The following PTPRT variants were observed in gnomAD, a reference collection of about 807,000 sequenced individuals.
PTPRT encodes the protein protein tyrosine phosphatase receptor type T, also known as receptor-type tyrosine-protein phosphatase T.
Under a neutral mutation model 176.8 loss-of-function variants are expected in PTPRT, and 56 were observed. The observed-to-expected ratio is 0.32, with a 90% CI of 0.26 to 0.40. The LOEUF is 0.40. Among genes scored for constraint, PTPRT ranks in the 10% least tolerant of loss-of-function variants. The pLI, the probability that PTPRT is intolerant of heterozygous loss-of-function variation, is 1.00. For synonymous variants in PTPRT, 783 were observed against 739.0 expected (o/e 1.06, Z -0.96); for missense variants, 1,540 against 1,908.2 (o/e 0.81, Z 3.60).
At chr20:42,519,470 A>G (rs887616635) in intron 7 of PTPRT, among the ~76,000 whole-genome samples, 1 of 152,170 alleles carries the variant, frequency 6.6e-6, no homozygotes, top group Non-Finnish European at 1.5e-5. Context: ...CAAAATATAT[A>G]GTAGCTTTAT....
At chr20:42,999,573 T>C (rs960142452) in intron 1 of PTPRT, among the ~76,000 whole-genome samples, 2 of 151,204 alleles carry the variant, frequency 1.3e-5, no homozygotes, top group Non-Finnish European at 2.9e-5. Context: ...CTGGGAAACA[T>C]GGTGAGACCC....
chr20:43,034,419 G>A (rs1263645418), intron 1 of PTPRT, among the ~76,000 whole-genome samples: 1 of 151,964 alleles, frequency 6.6e-6, no homozygotes, highest in African/African-American at 2.4e-5. Flanking sequence ...GGGGAACACG[G>A]GAATGCCTGG....
At chr20:43,129,371 A>G (rs1600732805) in intron 1 of PTPRT, among the ~76,000 whole-genome samples, 1 of 152,284 alleles carries the variant, frequency 6.6e-6, no homozygotes, top group Admixed American at 6.5e-5. Context: ...CCCCACATTT[A>G]GCTACCAGGG....
intron 15 of PTPRT, among the ~76,000 whole-genome samples, chr20:42,201,067 C>A (rs1991428006): frequency 6.6e-6 from 1 of 152,206 alleles, no homozygotes. Flanking sequence ...GTAATCCCAG[C>A]ACGCTGGGAG....
chr20:42,548,764 A>C (rs1364937808), intron 7 of PTPRT, among the ~76,000 whole-genome samples: 1 of 152,214 alleles, frequency 6.6e-6, no homozygotes, highest in Non-Finnish European at 1.5e-5. Flanking sequence ...AAAATTTAAT[A>C]GAAAACACAG....
chr20:43,154,866 C>A (rs1167020923), intron 1 of PTPRT, among the ~76,000 whole-genome samples: 3 of 151,990 alleles, frequency 2.0e-5, no homozygotes, highest in Non-Finnish European at 4.4e-5. Flanking sequence ...AAGGAAATAA[C>A]CTGATTTTAA....
chr20:43,130,726 G>A (rs921941160), intron 1 of PTPRT, among the ~76,000 whole-genome samples: 1 of 151,414 alleles, frequency 6.6e-6, no homozygotes, highest in East Asian at 1.9e-4. Context: ...AGAGGCCAAG[G>A]GCTCTGAGAG....
At chr20:43,144,645 A>G (rs1279605285) in intron 1 of PTPRT, among the ~76,000 whole-genome samples, 1 of 152,142 alleles carries the variant, frequency 6.6e-6, no homozygotes, top group Non-Finnish European at 1.5e-5. Context: ...AAGGAGGTTA[A>G]CGGTTGCCTG....
intron 7 of PTPRT, among the ~76,000 whole-genome samples, chr20:42,625,280 C>A (rs993507459): frequency 1.3e-5 from 2 of 151,654 alleles, no homozygotes; most frequent in African/African-American, 4.9e-5. Context: ...TATGCATAAA[C>A]CAGAGATTTA....
chr20:42,048,890 C>T, the PTPRT span, among the ~76,000 whole-genome samples: 6 of 152,256 alleles, frequency 3.9e-5, no homozygotes, highest in East Asian at 3.9e-4. Context: ...GGCGCAATCT[C>T]GGCTCACTGC....
intron 1 of PTPRT, among the ~76,000 whole-genome samples, chr20:42,933,690 C>T (rs1357223098): frequency 4.6e-5 from 7 of 152,214 alleles, no homozygotes; most frequent in Non-Finnish European, 1.0e-4. Flanking sequence ...GCTCATGCCA[C>T]CAACCGGATG....
chr20:42,311,704 C>T (rs553839110), intron 12 of PTPRT, among the ~76,000 whole-genome samples: 2 of 152,194 alleles, frequency 1.3e-5, no homozygotes, highest in East Asian at 3.9e-4. Context: ...CCCCGTCACC[C>T]CATATCAAAT....
chr20:43,064,328 C>T (rs1414308186), intron 1 of PTPRT, among the ~76,000 whole-genome samples: 1 of 152,120 alleles, frequency 6.6e-6, no homozygotes, highest in Admixed American at 6.5e-5. Context: ...ATCTTTAGTC[C>T]TGAATGACTG....
At chr20:42,330,468 T>A (rs2057951195) in intron 11 of PTPRT, among the ~76,000 whole-genome samples, 1 of 150,024 alleles carries the variant, frequency 6.7e-6, no homozygotes, top group Non-Finnish European at 1.5e-5. Flanking sequence ...AGAATGAGAC[T>A]CCATCTCAAA....
At position 42,521,854 on chromosome 20, in the gene PTPRT, T is replaced by G. The variant is rs183827532; in HGVS notation, c.1154-49292A>C. Among the ~76,000 whole-genome samples the G allele has an allele frequency of 2.8e-3, 432 of 152,250 alleles. 1 individual carries two copies. The highest frequency in any genetic ancestry group is 0.01 in the African/African-American group (419 of 41,540). On this transcript the variant is annotated intron_variant, in intron 7 of 30. Transcript: ENST00000373187. ...AAGACTGATAACATTCTGGTTTTCT[T>G]TCCTTTTTGTATGACTTAGTCGTTT... is the stretch of plus-strand genomic sequence containing the variant.
intron 27 of PTPRT, among the ~76,000 whole-genome samples, chr20:42,086,743 A>ATATATATATATATATATATATATATAT (rs1436136131): frequency 2.6e-5 from 1 of 38,302 alleles, no homozygotes; most frequent in African/African-American, 1.1e-4. Context: ...AAAAAAAAAA[A>ATATATATATATATATATATATATATAT]AAAAAAAAAA....
intron 3 of PTPRT, among the ~76,000 whole-genome samples, chr20:42,790,726 CT>C (rs573378454): frequency 4.6e-5 from 7 of 152,134 alleles, no homozygotes; most frequent in Non-Finnish European, 1.0e-4. Context: ...TGTATTCATT[CT>C]TCAAGATTCA....
intron 9 of PTPRT, among the ~76,000 whole-genome samples, chr20:42,357,174 A>G (rs1231280452): frequency 6.6e-6 from 1 of 152,120 alleles, no homozygotes; most frequent in African/African-American, 2.4e-5. Context: ...TCAATCTACC[A>G]TCTGTTTTTG....
At chr20:42,444,159 C>T (rs946097816) in intron 9 of PTPRT, among the ~76,000 whole-genome samples, 2 of 152,164 alleles carry the variant, frequency 1.3e-5, no homozygotes, top group African/African-American at 4.8e-5. Flanking sequence ...CCAGTCACTC[C>T]GGTCTCCTTT....
Sources: gnomAD v4.1 joint callset for allele counts (sites outside exome capture counted in the v4.1 genomes callset) on GRCh38, gnomAD v4.1.1 for gene constraint, MANE v1.5 for transcripts, NCBI Gene and HGNC (gene_info 2026-07-23, HGNC 2026-07-21) for gene names.